The following CRY2 variants were observed in gnomAD, a reference collection of about 807,000 sequenced individuals.
CRY2 encodes the protein cryptochrome circadian regulator 2.
Under a neutral mutation model 69.5 loss-of-function variants are expected in CRY2, and 31 were observed. The observed-to-expected ratio is 0.45, with a 90% CI of 0.34 to 0.60. The LOEUF (loss-of-function observed/expected upper bound fraction) is 0.60, where lower values mean the gene tolerates loss of function less well. CRY2 is among the 20% of genes least tolerant of loss of function. The probability of loss-of-function intolerance (pLI) is 0.02; values close to 1 mark genes in which losing one functional copy is unlikely to be tolerated. For missense variants in CRY2, 606 were observed against 797.8 expected, an observed-to-expected ratio of 0.76 and a Z score of 2.90; for synonymous variants, 303 against 312.2, an observed-to-expected ratio of 0.97 and a Z score of 0.31.
At chr11:45,878,226 G>A (rs1489344817) in intron 11 of CRY2, among the ~76,000 whole-genome samples, 1 of 152,110 alleles carries the variant, frequency 6.6e-6, no homozygotes, top group Non-Finnish European at 1.5e-5. Flanking sequence ...CACTCCAGAG[G>A]CTCCATGGAC....
intron 11 of CRY2, among the ~76,000 whole-genome samples, chr11:45,879,972 T>C (rs1010061629): frequency 2.0e-5 from 3 of 152,236 alleles, no homozygotes; most frequent in Non-Finnish European, 2.9e-5. Context: ...CCAGTCATAT[T>C]GGATTAGGGC....
chr11:45,855,923 A>G, intron 1 of CRY2, 59 bp from the exon 2 acceptor site: 2 of 1,404,994 alleles, frequency 1.4e-6, no homozygotes, highest in East Asian at 4.6e-5. Context: ...CTGCTTTGTT[A>G]GGAAAGAGAG....
In CRY2 at chr11:45,870,079, A is replaced by G. The variant is rs1565062414; in HGVS notation, c.1221A>G (p.Ala407=). 5 of 1,609,320 alleles carry G rather than the reference A, an allele frequency of 3.1e-6. No homozygotes were observed. The highest frequency in any genetic ancestry group is 3.4e-6 in the Non-Finnish European group (4 of 1,177,314). ...VRVFDELLLD[A]DFSVNAGSWM... ...TATTTGATGAGCTGCTCCTGGATGCAGATTTCAGCGTGAACGCAGGCAGCT... is the reference window on the plus strand; with the variant it reads ...TATTTGATGAGCTGCTCCTGGATGCGGATTTCAGCGTGAACGCAGGCAGCT... Residue 407 remains alanine, a synonymous_variant, in exon 8 of 12, where the codon GCA becomes GCG. Coordinates refer to ENST00000616080, the MANE Select transcript of CRY2 (RefSeq NM_021117.5).
chr11:45,870,425 T>G lies in CRY2; in HGVS notation c.1442T>G (p.Ile481Ser). ...ATTCAGAAGGCAGCCAAGTGCATCATTGGTGTGGACTACCCACGGCCCATC... is the reference window on the plus strand; with the variant it reads ...ATTCAGAAGGCAGCCAAGTGCATCAGTGGTGTGGACTACCCACGGCCCATC... ...ESIQKAAKCI[I>S]GVDYPRPIVN... Residue 481 changes from isoleucine (I) to serine (S), a missense_variant, in exon 9 of 12, where the codon ATT (isoleucine) becomes AGT (serine). Physicochemically the swap from Ile to Ser is moderately radical, Grantham distance 142 (BLOSUM62 -2). Transcript: ENST00000616080. 2 of 1,614,252 alleles carry G rather than the reference T, an allele frequency of 1.2e-6. No individual in the cohort carries two copies. Among genetic ancestry groups the G allele is most frequent in the Non-Finnish European group, 1.7e-6 (2 of 1,180,054 alleles).
chr11:45,851,029 CTTT>C (rs67641151), intron 1 of CRY2, among the ~76,000 whole-genome samples: 1 of 145,090 alleles, frequency 6.9e-6, no homozygotes, highest in Non-Finnish European at 1.5e-5. Flanking sequence ...AGCCTCAGGA[CTTT>C]TTTTTTTTTT....
chr11:45,848,147 G>A (rs550955165), intron 1 of CRY2, among the ~76,000 whole-genome samples: 1 of 152,304 alleles, frequency 6.6e-6, no homozygotes, highest in East Asian at 1.9e-4. Context: ...CCGTTGCTGG[G>A]CTCGGGGAGA....
chr11:45,867,147 C>T (rs2086337688), intron 5 of CRY2, among the ~76,000 whole-genome samples: 1 of 152,142 alleles, frequency 6.6e-6, no homozygotes, highest in South Asian at 2.1e-4. Context: ...CCTTCCCCAG[C>T]TGCTGTTGAA....
intron 11 of CRY2, among the ~76,000 whole-genome samples, chr11:45,880,161 T>C (rs1188211103): frequency 2.6e-5 from 4 of 152,218 alleles, no homozygotes; most frequent in East Asian, 1.9e-4. Context: ...AGCCTACTTA[T>C]TGTCTACCTC....
rs746233607 is a variant in CRY2, at chr11:45,847,519, C to T, written c.29C>T (p.Ala10Val). 6.3e-7 allele frequency: 1 copy of T among 1,589,974 alleles called. No homozygotes were observed. Among genetic ancestry groups the T allele is most frequent in the South Asian group, 1.1e-5 (1 of 88,896 alleles). ...GCGGCGACTGTGGCGACGGCGGCAG[C>T]TGTGGCCCCGGCGCCAGCGCCCGGC... is the stretch of plus-strand genomic sequence containing the variant. MAATVATAA[A>V]VAPAPAPGTD... Residue 10 changes from alanine (A) to valine (V), a missense_variant, in exon 1 of 12, where the codon GCT becomes GTT. By Grantham distance (64) the Ala-to-Val change is moderately conservative (BLOSUM62 0). Around this residue, in one of 5 missense-constraint regions of CRY2, gnomAD observed 45 missense variants for 35.7 expected, o/e 1.26. Coordinates refer to ENST00000616080, the MANE Select transcript of CRY2 (RefSeq NM_021117.5).
At chr11:45,847,293 A>G (rs1015841138), upstream of CRY2, 1 of 1,495,742 alleles carries the variant, frequency 6.7e-7, no homozygotes. Flanking sequence ...TAGGAACGTG[A>G]GGGGGCGGGC....
intron 1 of CRY2, among the ~76,000 whole-genome samples, chr11:45,855,432 G>T (rs1041411458): frequency 1.3e-5 from 2 of 152,176 alleles, no homozygotes; most frequent in Non-Finnish European, 2.9e-5. Flanking sequence ...CTGGTCCTCT[G>T]CTAAGAGGAC....
intron 5 of CRY2, 57 bp from the exon 6 acceptor site, chr11:45,867,554 AT>A (rs1565061133): frequency 1.2e-6 from 2 of 1,605,102 alleles, no homozygotes; most frequent in Non-Finnish European, 1.7e-6. Flanking sequence ...CAATGCCTCC[AT>A]TTTTTCCTCT....
At chr11:45,847,463 G>T (rs374932238), upstream of CRY2, 10 of 1,596,282 alleles carry the variant, frequency 6.3e-6, no homozygotes, top group South Asian at 1.1e-5. Context: ...GGGGCGGAGC[G>T]GGGGTGGCTG....
At position 45,847,790 on chromosome 11, in the gene CRY2, C is replaced by G. The variant is rs1006471747; in HGVS notation, c.215+85C>G. The stretch of plus-strand genomic sequence containing the variant: ...CGGCGAACAGCACGATCCCCCCAAC[C>G]CCGCCACGGCTGGAAGGCCAGAGGG... On this transcript the variant is annotated intron_variant, in intron 1 of 11. Transcript: ENST00000616080. The G allele has an allele frequency of 2.3e-4, 331 of 1,436,996 alleles. 2 individuals are homozygous for G. The highest frequency in any genetic ancestry group is 7.6e-4 in the Middle Eastern group (4 of 5,236). 89.0% of individuals were successfully genotyped at this position (1,436,996 alleles called of 1,614,324 possible). A position where few individuals can be genotyped will look rare whatever the true frequency, so the allele number is the denominator to read the frequency against.
rs911350836 is a variant in CRY2, at chr11:45,882,663, T to C, written c.*1752T>C. 5.0e-6 allele frequency: 2 copies of C among 398,900 alleles called. No individual in the cohort carries two copies. The highest frequency in any genetic ancestry group is 4.4e-6 in the Non-Finnish European group (1 of 226,070). 24.7% of individuals were successfully genotyped at this position (398,900 alleles called of 1,614,324 possible). On this transcript the variant is annotated 3_prime_UTR_variant, in exon 12 of 12. Transcript: ENST00000616080. ...CAGGGGATGGTGTGCATTCAGAGCA[T>C]TGGGTTGGGGGCTTCCCTGTTCCCT...
intron 7 of CRY2, 65 bp downstream of exon 7, chr11:45,869,882 C>T: frequency 6.5e-7 from 1 of 1,534,878 alleles, no homozygotes; most frequent in Non-Finnish European, 8.8e-7. Flanking sequence ...AGGGCAGCCC[C>T]CTTCTGGGCT....
At chr11:45,872,680 A>C (rs955707015) in intron 11 of CRY2, among the ~76,000 whole-genome samples, 1 of 152,234 alleles carries the variant, frequency 6.6e-6, no homozygotes, top group Non-Finnish European at 1.5e-5. Flanking sequence ...TCAGAGATTT[A>C]AAAGTCAAGC....
chr11:45,864,775 C>T (rs916830638), intron 5 of CRY2, among the ~76,000 whole-genome samples: 5 of 150,968 alleles, frequency 3.3e-5, no homozygotes, highest in East Asian at 2.0e-4. Flanking sequence ...GGTTGAGGCA[C>T]GAGAATCGCT....
chr11:45,858,943 A>T (rs1471278054), intron 3 of CRY2, 70 bp downstream of exon 3: 2 of 1,562,342 alleles, frequency 1.3e-6, no homozygotes, highest in Non-Finnish European at 8.7e-7. Flanking sequence ...TGCTGAGCGG[A>T]ACTCAGAGAG....
Sources: gnomAD v4.1 joint callset for allele counts (sites outside exome capture counted in the v4.1 genomes callset) on GRCh38, gnomAD v4.1.1 for gene constraint, gnomAD v4.1.1 regional missense constraint, MANE v1.5 for transcripts, NCBI Gene and HGNC (gene_info 2026-07-23, HGNC 2026-07-21) for gene names.